Variants in UGT1A8 observed in about 807,000 individuals in gnomAD.
UGT1A8 encodes the protein UDP glucuronosyltransferase family 1 member A8, also known as UDP-glucuronosyltransferase 1A8.
UGT1A8 carries 39 observed loss-of-function variants against 45.3 expected under a neutral mutation model. The observed-to-expected ratio is 0.86, with a 90% CI of 0.67 to 1.12. The LOEUF is 1.12. Ranked by LOEUF, UGT1A8 falls within the 50% of genes most tolerant of loss-of-function variation. The pLI, the probability that UGT1A8 is intolerant of heterozygous loss-of-function variation, is 0.00. For synonymous variants in UGT1A8, 275 were observed against 249.2 expected, an observed-to-expected ratio of 1.10 and a Z score of -0.97; for missense variants, 719 against 664.9, an observed-to-expected ratio of 1.08 and a Z score of -0.90.
chr2:233,744,006 T>G (rs1476984067), intron 1 of UGT1A8: 1 of 1,159,948 alleles, frequency 8.6e-7, no homozygotes, highest in Non-Finnish European at 1.1e-6. Context: ...CTCGGAGACC[T>G]GGGCCGCCTG....
At chr2:233,652,841 C>G (rs2073771876) in intron 1 of UGT1A8, among the ~76,000 whole-genome samples, 1 of 152,106 alleles carries the variant, frequency 6.6e-6, no homozygotes, top group Non-Finnish European at 1.5e-5. Flanking sequence ...AATAGAAAAG[C>G]TAGAAGTGTA....
At chr2:233,747,707 A>G (rs1693758037) in intron 1 of UGT1A8, 3 of 1,612,682 alleles carry the variant, frequency 1.9e-6, no homozygotes, top group African/African-American at 1.3e-5. Flanking sequence ...CTAAGTACCT[A>G]TCAATTCCTG....
chr2:233,750,910 G>T (rs1371262201), intron 1 of UGT1A8, among the ~76,000 whole-genome samples: 1 of 151,884 alleles, frequency 6.6e-6, no homozygotes, highest in African/African-American at 2.4e-5. Context: ...GCTAGAGAAG[G>T]GTGGTAAAGA....
chr2:233,682,911 A>G, intron 1 of UGT1A8: 2 of 1,495,816 alleles, frequency 1.3e-6, no homozygotes, highest in Non-Finnish European at 1.8e-6. Flanking sequence ...TTCTGGTTTA[A>G]GGAATTCTTT....
intron 1 of UGT1A8, among the ~76,000 whole-genome samples, chr2:233,619,662 A>G (rs2072965274): frequency 6.6e-6 from 1 of 152,054 alleles, no homozygotes; most frequent in Admixed American, 6.6e-5. Flanking sequence ...TTTTGAAACT[A>G]TTTTTTTACA....
chr2:233,681,216 G>C (rs2074514223), intron 1 of UGT1A8, among the ~76,000 whole-genome samples: 1 of 151,854 alleles, frequency 6.6e-6, no homozygotes, highest in South Asian at 2.1e-4. Flanking sequence ...ATTTCTTTCT[G>C]GGCAGAGGAC....
At chr2:233,622,720 C>G (rs973874071) in intron 1 of UGT1A8, among the ~76,000 whole-genome samples, 5 of 152,116 alleles carry the variant, frequency 3.3e-5, no homozygotes, top group Non-Finnish European at 7.4e-5. Context: ...TGCAGAAGCT[C>G]TTTGGTTTAA....
intron 1 of UGT1A8, among the ~76,000 whole-genome samples, chr2:233,662,423 A>G (rs1202844832): frequency 6.6e-6 from 1 of 152,150 alleles, no homozygotes; most frequent in Non-Finnish European, 1.5e-5. Flanking sequence ...ATGGACCAAC[A>G]CCGTTGAAAC....
chr2:233,685,917 A>T (rs2074764784), intron 1 of UGT1A8, among the ~76,000 whole-genome samples: 3 of 152,222 alleles, frequency 2.0e-5, no homozygotes, highest in African/African-American at 7.2e-5. Flanking sequence ...CCATCATTAA[A>T]TTTATCCTGA....
chr2:233,633,950 C>T (rs1485023729), intron 1 of UGT1A8, among the ~76,000 whole-genome samples: 2 of 152,196 alleles, frequency 1.3e-5, no homozygotes, highest in East Asian at 3.8e-4. Flanking sequence ...GCATTTAGTG[C>T]TATAAATTTC....
At chr2:233,667,229 A>T (rs535274210) in intron 1 of UGT1A8, among the ~76,000 whole-genome samples, 10 of 152,280 alleles carry the variant, frequency 6.6e-5, no homozygotes, top group South Asian at 2.1e-4. Flanking sequence ...AGCCACACTG[A>T]CTTCCACAAT....
At chr2:233,759,284 T>G (rs1280598347) in intron 1 of UGT1A8, among the ~76,000 whole-genome samples, 1 of 152,192 alleles carries the variant, frequency 6.6e-6, no homozygotes, top group Non-Finnish European at 1.5e-5. Flanking sequence ...GATTGGTTGA[T>G]GAAGCTGAGC....
At chr2:233,758,938 C>A (rs1697023841) in intron 1 of UGT1A8, among the ~76,000 whole-genome samples, 1 of 152,234 alleles carries the variant, frequency 6.6e-6, no homozygotes, top group Non-Finnish European at 1.5e-5. Flanking sequence ...GACTTCAAAT[C>A]AGTCATCAGA....
chr2:233,747,072 T>C (rs1174138764), intron 1 of UGT1A8: 1 of 1,024,362 alleles, frequency 9.8e-7, no homozygotes, highest in African/African-American at 1.6e-5. Context: ...TCGGTAATAA[T>C]TAACTAGGAG....
At chr2:233,661,666 T>TCTTTCTTTCTTTCTTC (rs2073971253) in intron 1 of UGT1A8, among the ~76,000 whole-genome samples, 1 of 148,714 alleles carries the variant, frequency 6.7e-6, no homozygotes, top group Non-Finnish European at 1.5e-5. Flanking sequence ...TTTCTTTCTT[T>TCTTTCTTTCTTTCTTC]CTTTCTTTCT....
chr2:233,669,683 C>T (rs902047246), intron 1 of UGT1A8, among the ~76,000 whole-genome samples: 3 of 151,988 alleles, frequency 2.0e-5, no homozygotes, highest in Non-Finnish European at 4.4e-5. Context: ...TTGTGGGTTT[C>T]TTTTTGTTTT....
At chr2:233,682,215 T>A (rs1417605896) in intron 1 of UGT1A8, 2 of 1,614,254 alleles carry the variant, frequency 1.2e-6, no homozygotes, top group Admixed American at 3.3e-5. Flanking sequence ...TTCATGGTTT[T>A]TGCCGATGCT....
chr2:233,671,758 A>G, intron 1 of UGT1A8: 1 of 1,328,784 alleles, frequency 7.5e-7, no homozygotes, highest in African/African-American at 1.5e-5. Flanking sequence ...TCTCAGCAAA[A>G]GCTACTCATA....
At chr2:233,721,760 T>C in intron 1 of UGT1A8, 1 of 468,990 alleles carries the variant, frequency 2.1e-6, no homozygotes, top group South Asian at 1.6e-5. Context: ...ACATCTAAAT[T>C]GTTATATTTA....
Sources: gnomAD v4.1 joint callset for allele counts (sites outside exome capture counted in the v4.1 genomes callset) on GRCh38, gnomAD v4.1.1 for gene constraint, MANE v1.5 for transcripts, NCBI Gene and HGNC (gene_info 2026-07-23, HGNC 2026-07-21) for gene names.